The following PATJ variants were observed in gnomAD, a reference collection of about 807,000 sequenced individuals.
PATJ encodes inaD-like protein.
Under a neutral mutation model 224.9 loss-of-function variants are expected in PATJ, and 190 were observed. The ratio of observed to expected loss-of-function variants is 0.84; its 90% CI spans 0.75 to 0.95. PATJ has a LOEUF of 0.95. Among genes scored for constraint, PATJ ranks in the 40% least tolerant of loss-of-function variants. The pLI is 0.00. For missense variants in PATJ, 2,121 were observed against 2,270.3 expected, an observed-to-expected ratio of 0.93 and a Z score of 1.34; for synonymous variants, 769 against 820.3, an observed-to-expected ratio of 0.94 and a Z score of 1.07.
At chr1:61,926,928 G>A (rs985392126) in intron 26 of PATJ, among the ~76,000 whole-genome samples, 1 of 152,094 alleles carries the variant, frequency 6.6e-6, no homozygotes, top group Non-Finnish European at 1.5e-5. Flanking sequence ...CAGTTATTTT[G>A]TTTTTTCTGG....
intron 42 of PATJ, among the ~76,000 whole-genome samples, chr1:62,150,283 C>T (rs1422120076): frequency 6.6e-6 from 1 of 152,148 alleles, no homozygotes; most frequent in African/African-American, 2.4e-5. Flanking sequence ...GATACAAGTG[C>T]TAGGTCCTGA....
chr1:61,852,900 C>T (rs1163039171), intron 17 of PATJ, among the ~76,000 whole-genome samples: 1 of 152,152 alleles, frequency 6.6e-6, no homozygotes, highest in Non-Finnish European at 1.5e-5. Context: ...AAAGCGATTT[C>T]ATTCAGCTAC....
intron 14 of PATJ, among the ~76,000 whole-genome samples, chr1:61,809,840 T>G (rs1274268179): frequency 1.5e-5 from 2 of 136,452 alleles, no homozygotes; most frequent in Non-Finnish European, 3.1e-5. Flanking sequence ...GGTTTCAATT[T>G]TCTTTTCTTT....
chr1:61,805,523 T>C lies in PATJ; in HGVS notation c.1625T>C (p.Met542Thr). The change falls in exon 13 of 44, where the codon ATG (methionine) becomes ACG (threonine). Residue 542 changes from methionine (M) to threonine (T), a missense_variant and splice_region_variant. Coordinates refer to ENST00000642238, the MANE Select transcript of PATJ (RefSeq NM_001350145.3). The part of the protein sequence containing the change: ...ENLLGPDYEV[M>T]VATLDTQIAD... ...CTGTTGGGTCCTGATTATGAAGTAA[T>C]GGTATGTTAAAATGCTCTAATAAAA... 8 of 1,555,164 alleles carry C rather than the reference T, an allele frequency of 5.1e-6. No individual in the cohort carries two copies. Among genetic ancestry groups the C allele is most frequent in the Non-Finnish European group, 7.1e-6 (8 of 1,126,734 alleles).
At chr1:62,134,067 A>G (rs543243679) in intron 41 of PATJ, among the ~76,000 whole-genome samples, 1 of 151,764 alleles carries the variant, frequency 6.6e-6, no homozygotes, top group East Asian at 2.0e-4. Context: ...TCTTCTAACA[A>G]GCTCCTAGGT....
intron 26 of PATJ, among the ~76,000 whole-genome samples, chr1:61,919,512 G>A (rs950941107): frequency 6.6e-5 from 10 of 151,570 alleles, no homozygotes; most frequent in African/African-American, 2.2e-4. Flanking sequence ...GCCATGTTGC[G>A]CAGGCTGATC....
intron 23 of PATJ, among the ~76,000 whole-genome samples, chr1:61,900,444 A>G (rs961653187): frequency 2.2e-4 from 34 of 152,208 alleles, no homozygotes; most frequent in African/African-American, 8.2e-4. Flanking sequence ...AGGAGCAGGT[A>G]AAATCTGCCC....
At chr1:62,022,432 C>A (rs1431854093) in intron 29 of PATJ, among the ~76,000 whole-genome samples, 2 of 152,192 alleles carry the variant, frequency 1.3e-5, no homozygotes, top group Non-Finnish European at 2.9e-5. Context: ...TCTGGATCAT[C>A]CAGATGTGTA....
chr1:62,051,014 G>T lies in PATJ; in HGVS notation c.4081G>T (p.Glu1361Ter). ...PISSEEDGSV[E>*]VGIKQLPESE... is the part of the protein sequence containing the mutation. Reference sequence around the variant, plus strand: ...TAGTAGTGAGGAAGATGGCAGCGTCGAAGTTGGTATTAAACAATTGCCTGA... The same window carrying T: ...TAGTAGTGAGGAAGATGGCAGCGTCTAAGTTGGTATTAAACAATTGCCTGA... Residue 1361 changes from glutamate to a stop codon, truncating the protein, a stop_gained, in exon 31 of 44, where the codon GAA becomes TAA. Coordinates refer to ENST00000642238, the MANE Select transcript of PATJ (RefSeq NM_001350145.3). LOFTEE classifies it high-confidence loss of function. 6.2e-7 allele frequency: 1 copy of T among 1,614,000 alleles called. No homozygotes were observed.
rs2498974 is a variant in PATJ, at chr1:61,977,615, G to T, written c.3671-12553G>T. Among the ~76,000 whole-genome samples the T allele has an allele frequency of 3.0e-4, 45 of 151,944 alleles. 1 individual carries two copies. Among genetic ancestry groups the T allele is most frequent in the African/African-American group, 1.0e-3 (43 of 41,302 alleles). On this transcript the variant is annotated intron_variant, in intron 27 of 43. Transcript: ENST00000642238. The stretch of plus-strand genomic sequence containing the variant: ...CCCAGGGATGAGGGGTTGAGTGGGG[G>T]GCTCCATTTAAGACTTTTTCTCCCA...
intron 17 of PATJ, among the ~76,000 whole-genome samples, chr1:61,854,249 T>C (rs114107892): frequency 0.014 from 2,145 of 152,338 alleles, 21 homozygotes; most frequent in Non-Finnish European, 0.021. Flanking sequence ...TGGAAGGTTT[T>C]AAGAGAGGCT....
chr1:61,876,028 G>C (rs1667290110), intron 21 of PATJ, among the ~76,000 whole-genome samples: 2 of 152,134 alleles, frequency 1.3e-5, no homozygotes, highest in Non-Finnish European at 2.9e-5. Flanking sequence ...AGCCATTGTT[G>C]AGGATTTATG....
chr1:62,087,552 G>T (rs1376808490), intron 33 of PATJ, among the ~76,000 whole-genome samples: 1 of 151,892 alleles, frequency 6.6e-6, no homozygotes, highest in Non-Finnish European at 1.5e-5. Context: ...CTGGGGATCT[G>T]CCCATGTCTG....
rs539478618 is a variant in PATJ, at chr1:62,073,632, T to TTAAATAAA, written c.4126-5798_4126-5791dup. On this transcript the variant is annotated intron_variant, in intron 31 of 43. Coordinates refer to ENST00000642238, the MANE Select transcript of PATJ (RefSeq NM_001350145.3). ...TGGGTGACAGAGTGAGACGCTGTCT[T>TTAAATAAA]TAAATAAATAAATAAATAAATAAAT... is the stretch of plus-strand genomic sequence containing the variant. Among the ~76,000 whole-genome samples, 34 of 151,576 alleles carry TTAAATAAA rather than the reference T, an allele frequency of 2.2e-4. 1 individual carries two copies. The highest frequency in any genetic ancestry group is 3.4e-4 in the African/African-American group (14 of 41,118).
rs56215259 is a variant in PATJ at position 61,996,741 on chromosome 1, C to CTTT, written c.3867+6394_3867+6396dup. Among the ~76,000 whole-genome samples, 271 of 97,728 alleles carry CTTT rather than the reference C, an allele frequency of 2.8e-3. 5 individuals carry two copies. Among genetic ancestry groups the CTTT allele is most frequent in the African/African-American group, 8.2e-3 (209 of 25,490 alleles). The allele number at this position is 97,728 out of a possible 152,430, so 64.1% of individuals were successfully genotyped here. ...ATAGGTTCTTTTTTTCTTTTCTTTTCTTTTTTTTTTTTTTTTTTTGAGATG... is the reference window on the plus strand; with the variant it reads ...ATAGGTTCTTTTTTTCTTTTCTTTTCTTTTTTTTTTTTTTTTTTTTTTGAGATG... On this transcript the variant is annotated intron_variant, in intron 28 of 43. Coordinates refer to ENST00000642238, the MANE Select transcript of PATJ (RefSeq NM_001350145.3).
intron 20 of PATJ, among the ~76,000 whole-genome samples, chr1:61,871,483 G>GTATATACATATATA (rs1666514769): frequency 4.0e-5 from 4 of 100,068 alleles, no homozygotes; most frequent in Admixed American, 1.2e-4. Flanking sequence ...ACATATATAT[G>GTATATACATATATA]TGTATATATG....
intron 5 of PATJ, 129 bp from the exon 6 acceptor site, chr1:61,771,302 T>G (rs973246838): frequency 5.7e-6 from 3 of 528,046 alleles, no homozygotes; most frequent in South Asian, 3.7e-5. Flanking sequence ...TGTTATATAA[T>G]TAAATAATTT....
chr1:61,856,351 G>T, intron 18 of PATJ, 112 bp downstream of exon 18: 1 of 796,322 alleles, frequency 1.3e-6, no homozygotes. Flanking sequence ...TGTTTACTAT[G>T]TGTGTGACCT....
chr1:61,850,466 G>C (rs1386000333), intron 17 of PATJ, among the ~76,000 whole-genome samples: 1 of 152,216 alleles, frequency 6.6e-6, no homozygotes, highest in Admixed American at 6.5e-5. Flanking sequence ...GTACATGCAG[G>C]CATGCTGCAC....
Sources: allele counts gnomAD v4.1 joint callset (sites outside exome capture counted in the v4.1 genomes callset), GRCh38; gene constraint gnomAD v4.1.1; transcripts MANE v1.5; gene names NCBI Gene and HGNC (gene_info 2026-07-23, HGNC 2026-07-21).